Variants in SLIT3 observed in about 807,000 individuals in gnomAD.
SLIT3 encodes the protein slit guidance ligand 3.
Under a neutral mutation model 184.0 loss-of-function variants are expected in SLIT3, and 68 were observed. The observed-to-expected ratio is 0.37, with a 90% CI of 0.30 to 0.45. SLIT3 has a LOEUF of 0.45. Among genes scored for constraint, SLIT3 ranks in the 20% least tolerant of loss-of-function variants. SLIT3 has a pLI of 1.00. For synonymous variants in SLIT3, 831 were observed against 828.6 expected (o/e 1.00, Z -0.05); for missense variants, 1,707 against 2,026.0 (o/e 0.84, Z 3.02).
At chr5:168,995,181 C>A (rs1189541982) in intron 4 of SLIT3, among the ~76,000 whole-genome samples, 5 of 152,230 alleles carry the variant, frequency 3.3e-5, no homozygotes, top group Non-Finnish European at 7.3e-5. Flanking sequence ...ACCTTCAGAT[C>A]TCCACTGTGC....
chr5:168,947,901 C>T (rs1158270930), intron 4 of SLIT3, among the ~76,000 whole-genome samples: 3 of 152,072 alleles, frequency 2.0e-5, no homozygotes, highest in African/African-American at 7.2e-5. Flanking sequence ...CAAAACTCTC[C>T]TGCCTCAGCC....
chr5:168,957,477 G>C (rs1039088115), intron 4 of SLIT3, among the ~76,000 whole-genome samples: 1 of 152,156 alleles, frequency 6.6e-6, no homozygotes, highest in East Asian at 1.9e-4. Context: ...CATCCCCCAG[G>C]GGATCCTCTG....
intron 2 of SLIT3, among the ~76,000 whole-genome samples, chr5:169,245,380 C>G (rs773125132): frequency 6.6e-6 from 1 of 152,082 alleles, no homozygotes; most frequent in Non-Finnish European, 1.5e-5. Flanking sequence ...ATTACAAATC[C>G]TAAACACTCT....
intron 8 of SLIT3, among the ~76,000 whole-genome samples, chr5:168,813,905 C>T (rs914032809): frequency 1.3e-5 from 2 of 152,176 alleles, no homozygotes; most frequent in African/African-American, 4.8e-5. Flanking sequence ...TCTTATGCTG[C>T]CTGGATGGGG....
chr5:168,710,400 A>G (rs934843133), intron 25 of SLIT3, among the ~76,000 whole-genome samples: 8 of 152,202 alleles, frequency 5.3e-5, no homozygotes, highest in African/African-American at 1.9e-4. Context: ...TCACATGTAC[A>G]AAAGTTTGCT....
At chr5:168,752,003 T>C (rs1300641558) in intron 18 of SLIT3, among the ~76,000 whole-genome samples, 4 of 152,122 alleles carry the variant, frequency 2.6e-5, no homozygotes, top group Non-Finnish European at 5.9e-5. Flanking sequence ...CCTCCCAAAG[T>C]GCTGGGATTA....
At chr5:169,213,162 C>T (rs987865365) in intron 3 of SLIT3, among the ~76,000 whole-genome samples, 11 of 152,030 alleles carry the variant, frequency 7.2e-5, no homozygotes, top group African/African-American at 1.7e-4. Context: ...TTCCTATACA[C>T]CAATAACAGA....
At chr5:168,668,974 G>A (rs1407011139) in intron 35 of SLIT3, among the ~76,000 whole-genome samples, 1 of 152,192 alleles carries the variant, frequency 6.6e-6, no homozygotes, top group African/African-American at 2.4e-5. Flanking sequence ...TCACCATGTT[G>A]GCCAGGATAG....
chr5:168,746,662 T>TGGTGTGG lies in SLIT3; in HGVS notation c.2270+1639_2270+1640insCCACACC, dbSNP rs1449242253. On this transcript the variant is annotated intron_variant, in intron 20 of 35. Coordinates refer to ENST00000519560, the MANE Select transcript of SLIT3 (RefSeq NM_003062.4). Reference sequence around the variant, plus strand: ...TGTAGTGGTGTGGGTGTGTGGTGTGTGAGTGTGGTGGTATGGTGGTGTGTG... The same window carrying TGGTGTGG: ...TGTAGTGGTGTGGGTGTGTGGTGTGTGGTGTGGGAGTGTGGTGGTATGGTGGTGTGTG... Among the ~76,000 whole-genome samples the TGGTGTGG allele has an allele frequency of 1.7e-3, 71 of 42,076 alleles. 9 individuals are homozygous for TGGTGTGG. Among genetic ancestry groups the TGGTGTGG allele is most frequent in the African/African-American group, 6.9e-3 (66 of 9,498 alleles). 27.6% of individuals were successfully genotyped at this position (42,076 alleles called of 152,430 possible).
chr5:168,755,266 C>G lies in SLIT3; in HGVS notation c.1686-1259G>C, dbSNP rs148530429. On this transcript the variant is annotated intron_variant, in intron 16 of 35. Transcript: ENST00000519560. ...GGCATATCAAATGTACTCCATTGAA[C>G]CTCTTCTTTCATAAGTGAGTATTCC... Among the ~76,000 whole-genome samples the G allele has an allele frequency of 7.6e-4, 115 of 152,192 alleles. 1 individual carries two copies. The highest frequency in any genetic ancestry group is 2.7e-3 in the African/African-American group (112 of 41,544).
intron 4 of SLIT3, among the ~76,000 whole-genome samples, chr5:168,952,582 A>G (rs937645342): frequency 3.3e-5 from 5 of 149,910 alleles, no homozygotes; most frequent in African/African-American, 1.3e-4. Flanking sequence ...AAAAAAAAAA[A>G]AAAAAGACAG....
chr5:168,835,825 A>ATTTGTT (rs1554146937), intron 6 of SLIT3, among the ~76,000 whole-genome samples: 1 of 150,006 alleles, frequency 6.7e-6, no homozygotes, highest in Non-Finnish European at 1.5e-5. Flanking sequence ...AAAAAAAAAA[A>ATTTGTT]TTTGTTTTTG....
At chr5:169,104,270 G>A (rs1400916915) in intron 4 of SLIT3, among the ~76,000 whole-genome samples, 1 of 152,146 alleles carries the variant, frequency 6.6e-6, no homozygotes, top group African/African-American at 2.4e-5. Context: ...TTTTGTGCAT[G>A]TTTACATCTA....
chr5:168,786,261 CTT>C (rs1756150679), intron 11 of SLIT3, among the ~76,000 whole-genome samples: 1 of 152,192 alleles, frequency 6.6e-6, no homozygotes, highest in Admixed American at 6.5e-5. Flanking sequence ...GAAGCGGTCT[CTT>C]TGTGGTATCT....
chr5:168,839,185 GCTCT>G (rs1183855746), intron 6 of SLIT3, among the ~76,000 whole-genome samples: 2 of 152,136 alleles, frequency 1.3e-5, no homozygotes, highest in African/African-American at 2.4e-5. Flanking sequence ...ACATCACTAA[GCTCT>G]CTCTGTGTGT....
intron 4 of SLIT3, among the ~76,000 whole-genome samples, chr5:169,184,845 T>A (rs1165500898): frequency 6.6e-6 from 1 of 152,208 alleles, no homozygotes; most frequent in Non-Finnish European, 1.5e-5. Flanking sequence ...ACAATCAGAA[T>A]CCACATTTTA....
intron 4 of SLIT3, among the ~76,000 whole-genome samples, chr5:169,192,047 G>C (rs1045708845): frequency 2.0e-5 from 3 of 152,170 alleles, no homozygotes; most frequent in Non-Finnish European, 4.4e-5. Flanking sequence ...GATTACGTGA[G>C]CATCTAAGGG....
chr5:168,910,227 C>T (rs1224213511), intron 4 of SLIT3, among the ~76,000 whole-genome samples: 2 of 152,198 alleles, frequency 1.3e-5, no homozygotes, highest in African/African-American at 4.8e-5. Context: ...AAACTGAAGG[C>T]TCAATGTAAC....
At chr5:168,708,594 G>C (rs1327957286) in intron 25 of SLIT3, 1 of 181,520 alleles carries the variant, frequency 5.5e-6, no homozygotes, top group African/African-American at 2.4e-5. Flanking sequence ...GAAAGAAATG[G>C]ATGGCCCCAG....
Sources: gnomAD v4.1 joint callset for allele counts (sites outside exome capture counted in the v4.1 genomes callset) on GRCh38, gnomAD v4.1.1 for gene constraint, MANE v1.5 for transcripts, NCBI Gene and HGNC (gene_info 2026-07-23, HGNC 2026-07-21) for gene names.